Variants in TTN observed in about 807,000 individuals in gnomAD.
TTN encodes connectin.
In TTN, 1,525 loss-of-function variants were observed where a neutral mutation model predicts 3,223.0. The observed-to-expected ratio is 0.47, with a 90% CI of 0.45 to 0.49. The LOEUF (loss-of-function observed/expected upper bound fraction) is 0.49, where lower values mean the gene tolerates loss of function less well. TTN is among the 20% of genes least tolerant of loss of function. The probability of loss-of-function intolerance (pLI) is 0.00; values close to 1 mark genes in which losing one functional copy is unlikely to be tolerated. For missense variants in TTN, 40,786 were observed against 43,424.0 expected, an observed-to-expected ratio of 0.94 and a Z score of 5.40; for synonymous variants, 14,094 against 15,161.0, an observed-to-expected ratio of 0.93 and a Z score of 5.17.
In TTN at chr2:178,542,537, T is replaced by C. The variant is rs762555445; in HGVS notation, c.97219A>G (p.Ile32407Val). 23 of 1,607,740 alleles carry C rather than the reference T, an allele frequency of 1.4e-5. No individual in the cohort carries two copies. The highest frequency in any genetic ancestry group is 1.7e-5 in the Non-Finnish European group (20 of 1,175,008). Residue 32407 changes from isoleucine (I) to valine (V), a missense_variant, in exon 349 of 363, where the codon ATT (isoleucine) becomes GTT (valine). Transcript: ENST00000589042. ...GTAGCATCAATTTCATCAATCTTAA[T>C]AGGTCCTGTTGGTGGACCAGGCTTG... is the stretch of plus-strand genomic sequence containing the variant. The part of the protein sequence containing the change: ...LDKPGPPTGP[I>V]KIDEIDATSI...
rs372199857 is a variant in TTN, at chr2:178,621,791, T to C, written c.45082+49A>G. ...CCACATTGAGTTAAGCTGGAAATTATTATTTTTTCCCAACACATATACTTC... is the reference window on the plus strand; with the variant it reads ...CCACATTGAGTTAAGCTGGAAATTACTATTTTTTCCCAACACATATACTTC... On this transcript the variant is annotated intron_variant, in intron 244 of 362. Coordinates refer to ENST00000589042, the MANE Select transcript of TTN (RefSeq NM_001267550.2). The C allele has an allele frequency of 1.4e-5, 23 of 1,608,586 alleles. No individual in the cohort carries two copies. In the African/African-American group the frequency reaches 2.3e-4, roughly 16 times the overall value.
intron 47 of TTN, chr2:178,745,836 C>A: frequency 6.2e-7 from 1 of 1,613,148 alleles, no homozygotes; most frequent in South Asian, 1.1e-5. Context: ...GCATAACAGT[C>A]AGAAATACCT....
chr2:178,637,187 A>ATATATATATATATATC (rs1553749552), intron 224 of TTN, among the ~76,000 whole-genome samples, 182 bp downstream of exon 224: 1 of 125,300 alleles, frequency 8.0e-6, no homozygotes, highest in African/African-American at 3.0e-5. Flanking sequence ...ATATATATAT[A>ATATATATATATATATC]TATCTCCTTG....
rs2084228974 is a variant in TTN, at chr2:178,748,188, T to C, written c.11311+4936A>G. On this transcript the variant is annotated intron_variant, in intron 47 of 362. Transcript: ENST00000589042. ...GTTTCTTCTATATCTGCAGATGAGG[T>C]TGGAAGTAGGGCACATGATTCACTA... 1.9e-6 allele frequency: 3 copies of C among 1,613,032 alleles called. No individual in the cohort carries two copies. The highest frequency in any genetic ancestry group is 2.5e-6 in the Non-Finnish European group (3 of 1,179,542).
intron 110 of TTN, 140 bp from the exon 111 acceptor site, chr2:178,701,343 A>T (rs1047486248): frequency 2.0e-6 from 2 of 1,001,734 alleles, no homozygotes; most frequent in Non-Finnish European, 1.4e-6. Context: ...TAAAAGTAGC[A>T]TTTATTTATA....
At position 178,561,937 on chromosome 2, in the gene TTN, A is replaced by C. The variant is rs2154160302; in HGVS notation, c.84195T>G (p.Asp28065Glu). The part of the protein sequence containing the change: ...RPGPPGPIRI[D>E]EVSCDSITIS... ...TGGTTATGCTGTCACAACTAACCTCATCAATACGTATAGGACCTGGAGGTC... is the reference window on the plus strand; with the variant it reads ...TGGTTATGCTGTCACAACTAACCTCCTCAATACGTATAGGACCTGGAGGTC... Residue 28065 changes from aspartate to glutamate, a missense_variant, in exon 326 of 363, where the codon GAT (aspartate) becomes GAG (glutamate). Coordinates refer to ENST00000589042, the MANE Select transcript of TTN (RefSeq NM_001267550.2). 1 of 1,613,488 alleles carries C rather than the reference A, an allele frequency of 6.2e-7. No homozygotes were observed. The highest frequency in any genetic ancestry group is 2.2e-5 in the East Asian group (1 of 44,750).
At position 178,617,363 on chromosome 2, in the gene TTN, G is replaced by A. The variant is rs767724702; in HGVS notation, c.47722C>T (p.Arg15908Cys). 8 of 1,583,642 alleles carry A rather than the reference G, an allele frequency of 5.1e-6. No homozygotes were observed. Among genetic ancestry groups the A allele is most frequent in the Non-Finnish European group, 6.8e-6 (8 of 1,168,558 alleles). ...TCAGGGACAAGTTTCATATTGCAAC[G>A]AATCCAATTATCTTTTCCTTCTTCG... ...RCEEGKDNWI[R>C]CNMKLVPELT... Residue 15908 changes from arginine (R) to cysteine (C), a missense_variant, in exon 254 of 363, where the codon CGT becomes TGT. Physicochemically the swap from Arg to Cys is radical, Grantham distance 180 (BLOSUM62 -3). Transcript: ENST00000589042.
chr2:178,757,671 C>T lies in TTN; in HGVS notation c.10549G>A (p.Glu3517Lys). The change falls in exon 45 of 363, where the codon GAG becomes AAG. Residue 3517 changes from glutamate to lysine, a missense_variant. Transcript: ENST00000589042. ...PTKDVVFHFEESTGMALMLIV... is the reference protein window; with the variant it reads ...PTKDVVFHFEKSTGMALMLIV... ...AGCATTAAAGCCATGCCTGTGGACT[C>T]CTCAAAATGGAAAACTACATCTTTT... is the stretch of plus-strand genomic sequence containing the variant. The T allele has an allele frequency of 6.2e-7, 1 of 1,613,800 alleles. No homozygotes were observed. The highest frequency in any genetic ancestry group is 8.5e-7 in the Non-Finnish European group (1 of 1,179,804).
intron 21 of TTN, among the ~76,000 whole-genome samples, chr2:178,780,890 T>C (rs941561336): frequency 6.6e-6 from 1 of 152,192 alleles, no homozygotes; most frequent in Non-Finnish European, 1.5e-5. Context: ...ATGATATGCC[T>C]AGAAACAAAT....
chr2:178,548,158 T>A lies in TTN; in HGVS notation c.93468A>T (p.Gly31156=). The change falls in exon 339 of 363, where the codon GGA becomes GGT. Residue 31156 remains glycine (G), a synonymous_variant. Coordinates refer to ENST00000589042, the MANE Select transcript of TTN (RefSeq NM_001267550.2). This position sits in a 1 kb window ranked among gnomAD's most constrained non-coding sequence, Gnocchi z 4.3. ...TGYLLEMRQK[G]SDFWVEAGHT... The stretch of plus-strand genomic sequence containing the variant: ...GACCAGCTTCAACCCAGAAGTCAGA[T>A]CCCTTTTGTCTCATTTCAAGCAGGT... 6.2e-7 allele frequency: 1 copy of A among 1,613,774 alleles called. No individual in the cohort carries two copies. The highest frequency in any genetic ancestry group is 8.5e-7 in the Non-Finnish European group (1 of 1,179,796).
At chr2:178,542,077 G>A in intron 349 of TTN, 187 bp downstream of exon 349, 1 of 532,996 alleles carries the variant, frequency 1.9e-6, no homozygotes, top group Admixed American at 3.5e-5. Context: ...GCCTAAGTGT[G>A]TTGAAAACCT....
chr2:178,531,926 A>G lies in TTN; in HGVS notation c.104689T>C (p.Ser34897Pro). Residue 34897 changes from serine to proline, a missense_variant, in exon 358 of 363, where the codon TCG becomes CCG. Ser to Pro is a moderately conservative substitution (Grantham distance 74). Coordinates refer to ENST00000589042, the MANE Select transcript of TTN (RefSeq NM_001267550.2). ...PSPVSSERSL[S>P]RFERSARFDI... Reference sequence around the variant, plus strand: ...AATCTTGCAGACCTCTCAAATCTCGAGAGTGATCTCTCACTAGACACAGGG... The same window carrying G: ...AATCTTGCAGACCTCTCAAATCTCGGGAGTGATCTCTCACTAGACACAGGG... 6.2e-7 allele frequency: 1 copy of G among 1,613,258 alleles called. No individual in the cohort carries two copies. The highest frequency in any genetic ancestry group is 8.5e-7 in the Non-Finnish European group (1 of 1,179,562).
chr2:178,749,645 G>C, intron 47 of TTN: 2 of 1,612,650 alleles, frequency 1.2e-6, no homozygotes, highest in Non-Finnish European at 1.7e-6. Context: ...TTCTCTATAA[G>C]TGACAGGCTC....
intron 355 of TTN, 45 bp downstream of exon 355, chr2:178,537,297 T>A: frequency 6.5e-7 from 1 of 1,527,852 alleles, no homozygotes; most frequent in Middle Eastern, 1.8e-4. Context: ...TTTGAGATTT[T>A]TTTTTCTTTA....
At chr2:178,787,026 A>T (rs1277234740) in intron 13 of TTN, among the ~76,000 whole-genome samples, 1 of 152,178 alleles carries the variant, frequency 6.6e-6, no homozygotes, top group Non-Finnish European at 1.5e-5. Flanking sequence ...ATACTTGGAA[A>T]CAGCATACCT....
rs775508685 is a variant in TTN at position 178,720,662 on chromosome 2, T to A, written c.23100A>T (p.Ala7700=). The A allele has an allele frequency of 1.3e-6, 2 of 1,572,566 alleles. No homozygotes were observed. The highest frequency in any genetic ancestry group is 1.4e-5 in the African/African-American group (1 of 72,416). The part of the protein sequence containing the change: ...ASCSTALTVK[A]PPVFTQKPSP... ...AAGGCTTCTGGGTGAAAACAGGAGGTGCTACCAGAAAAAAGGAGATAAACA... is the reference window on the plus strand; with the variant it reads ...AAGGCTTCTGGGTGAAAACAGGAGGAGCTACCAGAAAAAAGGAGATAAACA... Residue 7700 remains alanine (A), a splice_region_variant and synonymous_variant, in exon 80 of 363, where the codon GCA becomes GCT. Transcript: ENST00000589042.
At chr2:178,654,680 C>T in intron 191 of TTN, 65 bp downstream of exon 191, 3 of 517,958 alleles carry the variant, frequency 5.8e-6, no homozygotes, top group South Asian at 5.1e-5. Flanking sequence ...GGATTTTTAA[C>T]ATGTAATTTC....
Position 178,528,782 on chromosome 2 carries a change from C to T in TTN, c.106969G>A (p.Gly35657Ser), listed in dbSNP as rs2154131322. Residue 35657 changes from glycine to serine, a missense_variant, in exon 360 of 363, where the codon GGC becomes AGC. Transcript: ENST00000589042. ...NSEEYRYGVS[G>S]SDQTLTIKQA... ...TTGATGGTTAGGGTCTGATCGCTGC[C>T]TGAGACACCATATCGGTACTCCTCA... 1 of 1,612,720 alleles carries T rather than the reference C, an allele frequency of 6.2e-7. No individual in the cohort carries two copies. Among genetic ancestry groups the T allele is most frequent in the Non-Finnish European group, 8.5e-7 (1 of 1,178,890 alleles).
rs763261909 is a variant in TTN, at chr2:178,746,520, A to T, written c.11312-4599T>A. The T allele has an allele frequency of 2.0e-5, 32 of 1,613,006 alleles. No homozygotes were observed. The East Asian group carries it at 7.1e-4, about 36-fold the overall frequency. On this transcript the variant is annotated intron_variant, in intron 47 of 362. Transcript: ENST00000589042. The stretch of plus-strand genomic sequence containing the variant: ...GATGATGTGGTGTGTTCCAAATCAA[A>T]CTCCATGACATGCTGATGTGTTACT...
Sources: allele counts gnomAD v4.1 joint callset (sites outside exome capture counted in the v4.1 genomes callset), GRCh38; gene constraint gnomAD v4.1.1; non-coding constraint Gnocchi (gnomAD v3.1); transcripts MANE v1.5; gene names NCBI Gene and HGNC (gene_info 2026-07-23, HGNC 2026-07-21).